KLHL35: variants seen among roughly 807,000 people sequenced by gnomAD.
The protein encoded by KLHL35 is kelch like family member 35, also known as kelch-like protein 35.
KLHL35 carries 50 observed loss-of-function variants against 44.0 expected under a neutral mutation model. The ratio of observed to expected loss-of-function variants is 1.14; its 90% CI spans 0.91 to 1.44. The LOEUF (loss-of-function observed/expected upper bound fraction) is 1.44. Ranked by LOEUF, KLHL35 falls within the 40% of genes most tolerant of loss-of-function variation. The probability of loss-of-function intolerance (pLI) is 0.00; values close to 1 mark genes in which losing one functional copy is unlikely to be tolerated. For synonymous variants in KLHL35, 470 were observed against 410.4 expected (o/e 1.15, Z -1.76); for missense variants, 1,049 against 887.8 (o/e 1.18, Z -2.31).
intron 1 of KLHL35, among the ~76,000 whole-genome samples, chr11:75,432,204 C>T (rs1483424598): frequency 6.6e-6 from 1 of 152,164 alleles, no homozygotes; most frequent in Non-Finnish European, 1.5e-5. Context: ...CTCCTTCCAT[C>T]CTCCTGCTCC....
rs754424905 is a variant in KLHL35, at chr11:75,425,381, G to A, written c.1374+12C>T. Reference sequence around the variant, plus strand: ...CCTTCAACGCCCTCTCGCGCCTGAGGCCCACGCCCACCTTGTCCGTGTTGA... The same window carrying A: ...CCTTCAACGCCCTCTCGCGCCTGAGACCCACGCCCACCTTGTCCGTGTTGA... On this transcript the variant is annotated intron_variant, in intron 5 of 6. Coordinates refer to ENST00000539798, the MANE Select transcript of KLHL35 (RefSeq NM_001039548.3). The A allele has an allele frequency of 4.6e-6, 7 of 1,535,838 alleles. No individual in the cohort carries two copies. Among genetic ancestry groups the A allele is most frequent in the Admixed American group, 3.9e-5 (2 of 50,798 alleles).
At position 75,430,464 on chromosome 11, in the gene KLHL35, G is replaced by A. The variant is rs1335515588; in HGVS notation, c.166C>T (p.Arg56Cys). Residue 56 changes from arginine to cysteine, a missense_variant, in exon 2 of 7, where the codon CGC becomes TGC. Transcript: ENST00000539798. Reference protein sequence around the residue: ...RAGGRDFPCHRAALSAGSAYF... With the variant: ...RAGGRDFPCHCAALSAGSAYF... Reference sequence around the variant, plus strand: ...GCGCTGCCCGCGCTGAGCGCCGCGCGGTGGCACGGAAAGTCGCGCCCGCCG... The same window carrying A: ...GCGCTGCCCGCGCTGAGCGCCGCGCAGTGGCACGGAAAGTCGCGCCCGCCG... 2.1e-6 allele frequency: 3 copies of A among 1,395,448 alleles called. No homozygotes were observed. The highest frequency in any genetic ancestry group is 3.2e-5 in the Admixed American group (1 of 30,802). 86.4% of individuals were successfully genotyped at this position (1,395,448 alleles called of 1,614,324 possible).
In KLHL35 at chr11:75,429,799, G is replaced by C; in HGVS notation, c.831C>G (p.Ala277=). ...ECRPLLLEAR[A]CFILGREAGA... is the part of the protein sequence containing the mutation. ...CGGCCTCGCGGCCCAGGATGAAGCA[G>C]GCGCGAGCCTCGAGCAGCAGCGGGC... Residue 277 remains alanine, a synonymous_variant, in exon 2 of 7, where the codon GCC becomes GCG. Coordinates refer to ENST00000539798, the MANE Select transcript of KLHL35 (RefSeq NM_001039548.3). The C allele has an allele frequency of 6.6e-7, 1 of 1,512,302 alleles. No individual in the cohort carries two copies. The allele number at this position is 1,512,302 out of a possible 1,614,324, so 93.7% of individuals were successfully genotyped here.
In KLHL35 at chr11:75,430,380, C is replaced by G; in HGVS notation, c.250G>C (p.Val84Leu). The change falls in exon 2 of 7, where the codon GTG becomes CTG. Residue 84 changes from valine (V) to leucine (L), a missense_variant. Val to Leu is a conservative substitution (Grantham distance 32). Transcript: ENST00000539798. Reference protein sequence around the residue: ...RPERGPAVVPVVPVAPEAPGT... With the variant: ...RPERGPAVVPLVPVAPEAPGT... ...GGCGCCTCGGGAGCTACTGGCACCA[C>G]TGGCACCACGGCCGGGCCGCGCTCG... is the stretch of plus-strand genomic sequence containing the variant. 7.3e-7 allele frequency: 1 copy of G among 1,363,856 alleles called. No homozygotes were observed. The highest frequency in any genetic ancestry group is 1.5e-5 in the South Asian group (1 of 64,540). The allele number at this position is 1,363,856 out of a possible 1,614,324, so 84.5% of individuals were successfully genotyped here.
chr11:75,430,158 G>A lies in KLHL35; in HGVS notation c.472C>T (p.Leu158=), dbSNP rs1283618291. The A allele has an allele frequency of 4.0e-6, 5 of 1,246,320 alleles. No homozygotes were observed. The East Asian group carries it at 1.4e-4, about 36-fold the overall frequency. 77.2% of individuals were successfully genotyped at this position (1,246,320 alleles called of 1,614,324 possible). A position where few individuals can be genotyped will look rare whatever the true frequency, so the allele number is the denominator to read the frequency against. ...GAGAAGGCGGCGGCCACGCGGCGCA[G>A]CGCTAGGCTGTTGGCGGCGCGCAGG... The part of the protein sequence containing the change: ...GRLRAANSLA[L]RRVAAAFSLA... Residue 158 remains leucine (L), a synonymous_variant, in exon 2 of 7, where the codon CTG becomes TTG. Coordinates refer to ENST00000539798, the MANE Select transcript of KLHL35 (RefSeq NM_001039548.3).
chr11:75,425,393 C>A lies in KLHL35; in HGVS notation c.1374G>T (p.Lys458Asn). 6.5e-7 allele frequency: 1 copy of A among 1,548,556 alleles called. No individual in the cohort carries two copies. Among genetic ancestry groups the A allele is most frequent in the African/African-American group, 1.4e-5 (1 of 73,044 alleles). Residue 458 changes from lysine to asparagine, a missense_variant and splice_region_variant, in exon 5 of 7, where the codon AAG (lysine) becomes AAT (asparagine). By Grantham distance (94) the Lys-to-Asn change is moderately conservative. Coordinates refer to ENST00000539798, the MANE Select transcript of KLHL35 (RefSeq NM_001039548.3). ...TCTCGCGCCTGAGGCCCACGCCCACCTTGTCCGTGTTGACGCCGCCCTGCC... is the reference window on the plus strand; with the variant it reads ...TCTCGCGCCTGAGGCCCACGCCCACATTGTCCGTGTTGACGCCGCCCTGCC... The part of the protein sequence containing the change: ...GARQGGVNTD[K>N]VQCFDPKEDR...
In KLHL35 at chr11:75,428,427, C is replaced by T. The variant is rs187770079; in HGVS notation, c.1066+15G>A. 1.5e-3 allele frequency: 2,422 copies of T among 1,611,338 alleles called. No individual in the cohort carries two copies. The highest frequency in any genetic ancestry group is 1.9e-3 in the Non-Finnish European group (2,257 of 1,179,502). ...GTCAATCCCGTGTGAGCTCCCGTTG[C>T]GGCTCCGCCCTCACCGGAGACGTAG... On this transcript the variant is annotated intron_variant, in intron 3 of 6. Transcript: ENST00000539798.
At chr11:75,431,106 C>T (rs1361048334) in intron 1 of KLHL35, among the ~76,000 whole-genome samples, 1 of 152,118 alleles carries the variant, frequency 6.6e-6, no homozygotes, top group Non-Finnish European at 1.5e-5. Flanking sequence ...GGTCCCGTGA[C>T]AGGAGCTGAA....
rs773060135 is a variant in KLHL35, at chr11:75,430,642, A to C, written c.-1-12T>G. ...GGCCTTGCCGCATCCTGCCGGGGAG[A>C]GAACACAAACAGCGTCGGGGAAGCC... On this transcript the variant is annotated splice_polypyrimidine_tract_variant and intron_variant, in intron 1 of 6. Coordinates refer to ENST00000539798, the MANE Select transcript of KLHL35 (RefSeq NM_001039548.3). The C allele has an allele frequency of 4.2e-5, 57 of 1,355,734 alleles. No individual in the cohort carries two copies. The highest frequency in any genetic ancestry group is 2.3e-4 in the Middle Eastern group (1 of 4,330). 84.0% of individuals were successfully genotyped at this position (1,355,734 alleles called of 1,614,324 possible).
chr11:75,425,939 G>T, intron 4 of KLHL35: 1 of 242,412 alleles, frequency 4.1e-6, no homozygotes, highest in Non-Finnish European at 7.8e-6. Context: ...TCGGGATGTA[G>T]CTTACAAAGA....
Position 75,426,861 on chromosome 11 carries a change from T to G in KLHL35, c.1067-223A>C, listed in dbSNP as rs1948496630. The G allele has an allele frequency of 1.4e-5, 6 of 426,380 alleles. No individual in the cohort carries two copies. The South Asian group carries it at 1.9e-4, about 14-fold the overall frequency. 26.4% of individuals were successfully genotyped at this position (426,380 alleles called of 1,614,324 possible). A position where few individuals can be genotyped will look rare whatever the true frequency, so the allele number is the denominator to read the frequency against. Reference sequence around the variant, plus strand: ...CCTCGAGGGGAGAAGCCTGACACATTCAGGAAGAAGGGGCTGGTTTTCGCC... The same window carrying G: ...CCTCGAGGGGAGAAGCCTGACACATGCAGGAAGAAGGGGCTGGTTTTCGCC... On this transcript the variant is annotated intron_variant, in intron 3 of 6. Transcript: ENST00000539798.
In KLHL35 at chr11:75,433,039, T is replaced by G. The variant is rs1223865208; in HGVS notation, c.-2+4A>C. The stretch of plus-strand genomic sequence containing the variant: ...AAGCCTTGCCCCATGCACCTGGCAC[T>G]TACCTGGCCATACCCTCTCCCAAGT... On this transcript the variant is annotated splice_donor_region_variant and intron_variant, in intron 1 of 6. Coordinates refer to ENST00000539798, the MANE Select transcript of KLHL35 (RefSeq NM_001039548.3). Among the ~76,000 whole-genome samples, 3 of 152,202 alleles carry G rather than the reference T, an allele frequency of 2.0e-5. No individual in the cohort carries two copies. Among genetic ancestry groups the G allele is most frequent in the East Asian group, 1.9e-4 (1 of 5,194 alleles).
intron 4 of KLHL35, chr11:75,425,957 CT>C (rs11319241): frequency 0.1 from 15,429 of 153,706 alleles, 634 homozygotes; most frequent in South Asian, 0.22. Flanking sequence ...AGATAATTGA[CT>C]TTTTTTTTTT....
At chr11:75,431,595 C>T (rs1396760860) in intron 1 of KLHL35, among the ~76,000 whole-genome samples, 1 of 152,170 alleles carries the variant, frequency 6.6e-6, no homozygotes, top group Non-Finnish European at 1.5e-5. Flanking sequence ...TTGGTGTTCT[C>T]CAGGTAGCAC....
intron 2 of KLHL35, 130 bp from the exon 3 acceptor site, chr11:75,428,756 C>T: frequency 2.5e-6 from 2 of 794,220 alleles, no homozygotes; most frequent in Non-Finnish European, 3.8e-6. Flanking sequence ...CCACCCGATC[C>T]CCCGGCCTCA....
At chr11:75,432,141 C>T (rs1279746110) in intron 1 of KLHL35, among the ~76,000 whole-genome samples, 2 of 152,138 alleles carry the variant, frequency 1.3e-5, no homozygotes, top group African/African-American at 2.4e-5. Flanking sequence ...GGAGCTCCCT[C>T]CTTTCCATCA....
At chr11:75,422,998 G>C in intron 6 of KLHL35, 1 of 541,998 alleles carries the variant, frequency 1.8e-6, no homozygotes, top group Non-Finnish European at 3.3e-6. Context: ...TTTCCTCATC[G>C]GCAAAGGGAG....
At position 75,430,335 on chromosome 11, in the gene KLHL35, C is replaced by T. The variant is rs1025142034; in HGVS notation, c.295G>A (p.Ala99Thr). 1.1e-4 allele frequency: 147 copies of T among 1,283,844 alleles called. No individual in the cohort carries two copies. Among genetic ancestry groups the T allele is most frequent in the Non-Finnish European group, 1.3e-4 (133 of 1,015,008 alleles). 79.5% of individuals were successfully genotyped at this position (1,283,844 alleles called of 1,614,324 possible). Residue 99 changes from alanine (A) to threonine (T), a missense_variant, in exon 2 of 7, where the codon GCG (alanine) becomes ACG (threonine). Ala to Thr is a moderately conservative substitution (Grantham distance 58, BLOSUM62 0). Transcript: ENST00000539798. ...PEAPGTSPAG[A>T]AAALAVVLDY... ...AGCACCACGGCCAGCGCCGCCGCCG[C>T]CCCGGCCGGGCTCGTGCCTGGCGCC...
Position 75,430,529 on chromosome 11 carries a change from T to G in KLHL35, c.101A>C (p.Tyr34Ser). The G allele has an allele frequency of 6.9e-7, 1 of 1,451,076 alleles. No homozygotes were observed. Among genetic ancestry groups the G allele is most frequent in the African/African-American group, 1.5e-5 (1 of 67,672 alleles). The allele number at this position is 1,451,076 out of a possible 1,614,324, so 89.9% of individuals were successfully genotyped here. ...AQRVLQALNA[Y>S]RRSGTLTDVV... ...GTCGGTGAGGGTGCCGCTCCGCCGGTAGGCGTTCAGGGCCTGCAGCACGCG... is the reference window on the plus strand; with the variant it reads ...GTCGGTGAGGGTGCCGCTCCGCCGGGAGGCGTTCAGGGCCTGCAGCACGCG... Residue 34 changes from tyrosine (Y) to serine (S), a missense_variant, in exon 2 of 7, where the codon TAC becomes TCC. Tyr to Ser is a moderately radical substitution (Grantham distance 144). Transcript: ENST00000539798.
Sources: gnomAD v4.1 joint callset for allele counts (sites outside exome capture counted in the v4.1 genomes callset) on GRCh38, gnomAD v4.1.1 for gene constraint, MANE v1.5 for transcripts, NCBI Gene and HGNC (gene_info 2026-07-23, HGNC 2026-07-21) for gene names.